The following H6PD variants were observed in gnomAD, a reference collection of about 807,000 sequenced individuals.
The protein encoded by H6PD is GDH/6PGL endoplasmic bifunctional protein.
In H6PD, 48 loss-of-function variants were observed where a neutral mutation model predicts 61.2. The observed-to-expected ratio is 0.78, with a 90% confidence interval of 0.62 to 1.00. H6PD has a LOEUF of 1.00. Among genes scored for constraint, H6PD ranks in the 50% least tolerant of loss-of-function variants. H6PD has a pLI of 0.00. For synonymous variants in H6PD, 480 were observed against 457.9 expected, an observed-to-expected ratio of 1.05 and a Z score of -0.62; for missense variants, 1,093 against 1,065.0, an observed-to-expected ratio of 1.03 and a Z score of -0.37.
At position 9,264,932 on chromosome 1, in the gene H6PD, T is replaced by C. The variant is rs1337267258; in HGVS notation, c.*63T>C. The C allele has an allele frequency of 1.5e-5, 24 of 1,576,282 alleles. No homozygotes were observed. In the Admixed American group the frequency reaches 4.0e-4, roughly 26 times the overall value. On this transcript the variant is annotated 3_prime_UTR_variant, in exon 5 of 5. Transcript: ENST00000377403. ...TTCCTTCGCCCGTGTCTTCCCTCCC[T>C]TCTCGGCCCCGCCACCTGCCCAGCG...
chr1:9,249,267 T>C (rs372383784), intron 3 of H6PD, among the ~76,000 whole-genome samples: 3 of 152,210 alleles, frequency 2.0e-5, no homozygotes, highest in Non-Finnish European at 4.4e-5. Flanking sequence ...GGGTTGTTTG[T>C]AGGTCCCATG....
intron 1 of H6PD, among the ~76,000 whole-genome samples, chr1:9,239,681 T>G (rs887908069): frequency 1.3e-5 from 2 of 152,228 alleles, no homozygotes; most frequent in African/African-American, 4.8e-5. Flanking sequence ...GGGTCATGAT[T>G]TGAAGAAAAT....
At chr1:9,258,159 A>G (rs1641580005) in intron 3 of H6PD, among the ~76,000 whole-genome samples, 1 of 152,174 alleles carries the variant, frequency 6.6e-6, no homozygotes, top group Non-Finnish European at 1.5e-5. Flanking sequence ...TGGTGTTGTT[A>G]TGCTGGTGTT....
At chr1:9,257,830 C>G (rs1231102463) in intron 3 of H6PD, among the ~76,000 whole-genome samples, 2 of 152,244 alleles carry the variant, frequency 1.3e-5, no homozygotes, top group Non-Finnish European at 2.9e-5. Flanking sequence ...CTCCTCGTGT[C>G]TGAGGCCAGG....
chr1:9,264,032 T>A lies in H6PD; in HGVS notation c.1539T>A (p.Phe513Leu). The change falls in exon 5 of 5, where the codon TTT (phenylalanine) becomes TTA (leucine). Residue 513 changes from phenylalanine (F) to leucine (L), a missense_variant. By Grantham distance (22) the Phe-to-Leu change is conservative (BLOSUM62 0). Coordinates refer to ENST00000377403, the MANE Select transcript of H6PD (RefSeq NM_004285.4). ...CTGAGAATGGCCGTCTGTTGGACTT[T>A]GAGTTCAGTAGCGGCCGGTTGTTCT... ...GGAENGRLLDFEFSSGRLFFS... is the reference protein window; with the variant it reads ...GGAENGRLLDLEFSSGRLFFS... 1 of 1,614,194 alleles carries A rather than the reference T, an allele frequency of 6.2e-7. No homozygotes were observed. The highest frequency in any genetic ancestry group is 1.1e-5 in the South Asian group (1 of 91,088).
intron 3 of H6PD, among the ~76,000 whole-genome samples, chr1:9,253,558 G>C (rs115218497): frequency 6.6e-6 from 1 of 152,300 alleles, no homozygotes; most frequent in Non-Finnish European, 1.5e-5. Flanking sequence ...AGTGGAACTG[G>C]AAACCCTTTT....
At chr1:9,238,392 C>G (rs1640907447) in intron 1 of H6PD, among the ~76,000 whole-genome samples, 1 of 152,190 alleles carries the variant, frequency 6.6e-6, no homozygotes, top group African/African-American at 2.4e-5. Context: ...CGTGTTGAGG[C>G]TCAGCCATAG....
chr1:9,251,870 A>G (rs1641375947), intron 3 of H6PD, among the ~76,000 whole-genome samples: 1 of 141,344 alleles, frequency 7.1e-6, no homozygotes, highest in Non-Finnish European at 1.5e-5. Flanking sequence ...GCTGGCTCTT[A>G]GTTGTCTTTT....
At chr1:9,247,750 G>T (rs1641229764) in intron 3 of H6PD, among the ~76,000 whole-genome samples, 1 of 152,280 alleles carries the variant, frequency 6.6e-6, no homozygotes, top group South Asian at 2.1e-4. Flanking sequence ...CATGCCCACC[G>T]CTGCCTTCAG....
chr1:9,245,357 C>G lies in H6PD; in HGVS notation c.423C>G (p.Tyr141Ter). ...TCCGGGAGGCTGGCAGGATCTTCTA[C>G]TTCTCAGTGCCACCCTTCGCCTATG... Reference protein sequence around the residue: ...AGLREAGRIFYFSVPPFAYED... With the variant: ...AGLREAGRIF The change falls in exon 2 of 5, where the codon TAC becomes TAG. Residue 141 changes from tyrosine to a stop codon, truncating the protein, a stop_gained. Coordinates refer to ENST00000377403, the MANE Select transcript of H6PD (RefSeq NM_004285.4). LOFTEE classifies it high-confidence loss of function. This position sits in a 1 kb window ranked among gnomAD's most constrained non-coding sequence, Gnocchi z 4.8. The G allele has an allele frequency of 6.2e-7, 1 of 1,614,174 alleles. No individual in the cohort carries two copies. The highest frequency in any genetic ancestry group is 8.5e-7 in the Non-Finnish European group (1 of 1,179,996).
intron 1 of H6PD, among the ~76,000 whole-genome samples, chr1:9,236,706 G>T (rs1430425720): frequency 6.6e-6 from 1 of 151,440 alleles, no homozygotes; most frequent in East Asian, 1.9e-4. Flanking sequence ...GGATTTCTTG[G>T]GTGCTTACTG....
intron 1 of H6PD, chr1:9,243,112 G>A (rs1641048766): frequency 6.5e-6 from 2 of 309,782 alleles, no homozygotes; most frequent in Non-Finnish European, 4.7e-6. Flanking sequence ...CTCAGACACT[G>A]TGGTTGGGTC....
At chr1:9,262,866 C>T (rs563540085) in intron 4 of H6PD, among the ~76,000 whole-genome samples, 54 of 152,314 alleles carry the variant, frequency 3.5e-4, no homozygotes, top group African/African-American at 6.0e-4. Flanking sequence ...ACAAGCCTCA[C>T]GCACCAACCA....
chr1:9,242,476 T>C, intron 1 of H6PD: 4 of 570,844 alleles, frequency 7.0e-6, no homozygotes, highest in African/African-American at 6.1e-5. Context: ...AAAGGAGTGC[T>C]GGCAACATAA....
rs1291933283 is a variant in H6PD at position 9,268,838 on chromosome 1, C to T, written c.*3969C>T. The T allele has an allele frequency of 2.6e-5, 4 of 152,200 alleles. 1 individual carries two copies. Among genetic ancestry groups the T allele is most frequent in the South Asian group, 4.1e-4 (2 of 4,828 alleles). 9.4% of individuals were successfully genotyped at this position (152,200 alleles called of 1,614,324 possible). A position where few individuals can be genotyped will look rare whatever the true frequency, so the allele number is the denominator to read the frequency against. ...CTTGTGTTTCTCCTGTCCCTGTTCTCCCGGAGGGCCCAGGTGGAACTCACG... is the reference window on the plus strand; with the variant it reads ...CTTGTGTTTCTCCTGTCCCTGTTCTTCCGGAGGGCCCAGGTGGAACTCACG... On this transcript the variant is annotated 3_prime_UTR_variant, in exon 5 of 5. Transcript: ENST00000377403.
At chr1:9,242,256 C>T (rs2268171) in intron 1 of H6PD, among the ~76,000 whole-genome samples, 38,226 of 151,892 alleles carry the variant, frequency 0.25, 6,320 homozygotes, top group African/African-American at 0.47. Flanking sequence ...GGTCCTCTTC[C>T]TTCTGCATCA....
Position 9,246,991 on chromosome 1 carries a change from G to A in H6PD, c.653G>A (p.Arg218Gln), listed in dbSNP as rs35525021. Residue 218 changes from arginine (R) to glutamine (Q), a missense_variant, in exon 3 of 5, where the codon CGA becomes CAA. Coordinates refer to ENST00000377403, the MANE Select transcript of H6PD (RefSeq NM_004285.4). ...KQAVAQILPFRDQNRKALDGL... is the reference protein window; with the variant it reads ...KQAVAQILPFQDQNRKALDGL... ...GCTGTGGCGCAGATCCTGCCTTTCC[G>A]AGACCAGAACCGCAAGGCTTTGGAC... The A allele has an allele frequency of 5.7e-4, 918 of 1,613,746 alleles. 7 individuals are homozygous for A. The African/African-American group carries it at 0.011, about 20-fold the overall frequency.
At position 9,245,072 on chromosome 1, in the gene H6PD, G is replaced by C. The variant is rs1641123215; in HGVS notation, c.138G>C (p.Leu46=). Residue 46 remains leucine, a synonymous_variant, in exon 2 of 5, where the codon CTG becomes CTC. Coordinates refer to ENST00000377403, the MANE Select transcript of H6PD (RefSeq NM_004285.4). This position sits in a 1 kb window ranked among gnomAD's most constrained non-coding sequence, Gnocchi z 4.8. ...DLAKKYLWQG[L]FQLYLDEAGR... The stretch of plus-strand genomic sequence containing the variant: ...CTAAGAAGTACTTATGGCAGGGACT[G>C]TTCCAGCTGTACCTGGATGAAGCGG... 1 of 1,614,210 alleles carries C rather than the reference G, an allele frequency of 6.2e-7. No individual in the cohort carries two copies. Among genetic ancestry groups the C allele is most frequent in the Admixed American group, 1.7e-5 (1 of 60,032 alleles).
intron 1 of H6PD, chr1:9,242,536 C>G (rs1038103724): frequency 1.0e-6 from 1 of 984,042 alleles, no homozygotes; most frequent in Admixed American, 6.1e-5. Flanking sequence ...CAGGACTGGT[C>G]AGGGAGGACT....
Sources: gnomAD v4.1 joint callset for allele counts (sites outside exome capture counted in the v4.1 genomes callset) on GRCh38, gnomAD v4.1.1 for gene constraint, Gnocchi (gnomAD v3.1) non-coding constraint, MANE v1.5 for transcripts, NCBI Gene and HGNC (gene_info 2026-07-23, HGNC 2026-07-21) for gene names.